The following PRKAR1A variants were observed in gnomAD, a reference collection of about 807,000 sequenced individuals.
PRKAR1A encodes the protein cAMP-dependent protein kinase type I-alpha regulatory subunit.
PRKAR1A carries 3 observed loss-of-function variants against 52.0 expected under a neutral mutation model. The ratio of observed to expected loss-of-function variants is 0.06; its 90% CI spans 0.03 to 0.15. PRKAR1A has a LOEUF of 0.15. PRKAR1A is among the 10% of genes least tolerant of loss of function. The probability of loss-of-function intolerance (pLI) is 1.00; values close to 1 mark genes in which losing one functional copy is unlikely to be tolerated. For missense variants in PRKAR1A, 240 were observed against 477.4 expected (o/e 0.50, Z 4.63); for synonymous variants, 188 against 168.4 (o/e 1.12, Z -0.90).
At chr17:68,537,187 G>A (rs1364437023), downstream of PRKAR1A, 1 of 586,824 alleles carries the variant, frequency 1.7e-6, no homozygotes, top group Admixed American at 2.2e-5. The surrounding 1 kb of genome is among the most constrained non-coding windows in gnomAD (Gnocchi z 4.2). Flanking sequence ...AGGCTGCCAA[G>A]CCTGACCTAT....
the PRKAR1A span, chr17:68,430,197 T>G: frequency 1.3e-6 from 2 of 1,579,062 alleles, no homozygotes; most frequent in African/African-American, 1.4e-5. Flanking sequence ...GGGACTGGGC[T>G]GCAGGCCCCA....
the PRKAR1A span, among the ~76,000 whole-genome samples, chr17:68,478,206 C>A: frequency 1.3e-5 from 2 of 152,092 alleles, no homozygotes; most frequent in Admixed American, 1.3e-4. Flanking sequence ...GTATTCCCAG[C>A]ACTTTGGGGG....
chr17:68,426,245 G>GGT, the PRKAR1A span: 3 of 948,270 alleles, frequency 3.2e-6, no homozygotes, highest in African/African-American at 1.6e-5. Flanking sequence ...TGGCGGGTGG[G>GGT]GAGCGGGGGC....
the PRKAR1A span, among the ~76,000 whole-genome samples, chr17:68,448,851 C>A: frequency 2.0e-5 from 3 of 152,194 alleles, no homozygotes; most frequent in Non-Finnish European, 2.9e-5. Flanking sequence ...TAAAAGCCTT[C>A]AATCAGAAAA....
chr17:68,528,685 C>A, intron 8 of PRKAR1A, 185 bp from the exon 9 acceptor site: 1 of 730,878 alleles, frequency 1.4e-6, no homozygotes. Context: ...TAAGGGCTAT[C>A]TGCAGGCAGT....
the PRKAR1A span, chr17:68,430,158 C>T: frequency 6.8e-6 from 11 of 1,611,852 alleles, no homozygotes; most frequent in South Asian, 6.6e-5. Context: ...CTCTTCTGGT[C>T]GACTAGGGAG....
At chr17:68,470,853 A>T in the PRKAR1A span, among the ~76,000 whole-genome samples, 1 of 152,186 alleles carries the variant, frequency 6.6e-6, no homozygotes, top group Non-Finnish European at 1.5e-5. Flanking sequence ...AAACCAAAAT[A>T]ATGTATGAAA....
At chr17:68,444,448 A>G in the PRKAR1A span, 3 of 1,551,246 alleles carry the variant, frequency 1.9e-6, no homozygotes, top group Middle Eastern at 1.7e-4. Flanking sequence ...AAGAAGCACC[A>G]GGACATGAAA....
the PRKAR1A span, among the ~76,000 whole-genome samples, chr17:68,470,703 A>G: frequency 6.6e-6 from 1 of 152,216 alleles, no homozygotes; most frequent in Admixed American, 6.5e-5. Flanking sequence ...ATACAAACAA[A>G]AAAACAATAA....
chr17:68,474,536 A>G, the PRKAR1A span, among the ~76,000 whole-genome samples: 1 of 152,178 alleles, frequency 6.6e-6, no homozygotes, highest in African/African-American at 2.4e-5. Flanking sequence ...TGATCCCGTG[A>G]CGAGTGGTCA....
the PRKAR1A span, among the ~76,000 whole-genome samples, chr17:68,437,729 A>G: frequency 1.3e-5 from 2 of 152,146 alleles, no homozygotes; most frequent in Non-Finnish European, 2.9e-5. Context: ...AGATGCTTCA[A>G]TAATATTCCG....
the PRKAR1A span, among the ~76,000 whole-genome samples, chr17:68,425,291 C>G: frequency 6.6e-6 from 1 of 152,196 alleles, no homozygotes; most frequent in Non-Finnish European, 1.5e-5. Context: ...GCAGCCTCGA[C>G]CTCCCAGGCT....
At chr17:68,489,979 G>A in the PRKAR1A span, among the ~76,000 whole-genome samples, 36 of 152,188 alleles carry the variant, frequency 2.4e-4, no homozygotes, top group Non-Finnish European at 5.1e-4. Flanking sequence ...TTAGAGAGAG[G>A]GAATGCCATT....
the PRKAR1A span, among the ~76,000 whole-genome samples, chr17:68,417,804 G>A: frequency 7.8e-6 from 1 of 128,424 alleles, no homozygotes; most frequent in Non-Finnish European, 1.6e-5. Context: ...CTGGAGTGCA[G>A]TGGCACGATC....
the PRKAR1A span, among the ~76,000 whole-genome samples, chr17:68,436,982 A>C: frequency 7.6e-6 from 1 of 131,120 alleles, no homozygotes; most frequent in African/African-American, 3.2e-5. Context: ...CTACAGAGTG[A>C]GACCCCGTCT....
intron 11 of PRKAR1A, chr17:68,542,761 A>T: frequency 6.2e-7 from 1 of 1,614,132 alleles, no homozygotes; most frequent in Non-Finnish European, 8.5e-7. Flanking sequence ...CCTTGGTGAC[A>T]TTTACTATCC....
intron 2 of PRKAR1A, among the ~76,000 whole-genome samples, chr17:68,519,118 C>A (rs2085523644): frequency 6.6e-6 from 1 of 152,158 alleles, no homozygotes; most frequent in South Asian, 2.1e-4. Context: ...TCTTCTGAGC[C>A]CTCCAGACTG....
upstream of PRKAR1A, among the ~76,000 whole-genome samples, chr17:68,507,634 G>A (rs149050576): frequency 7.0e-4 from 106 of 151,952 alleles, no homozygotes; most frequent in African/African-American, 2.2e-3. Context: ...CATGTATCCC[G>A]AACTTAAATT....
At chr17:68,437,948 T>TAAAAAA in the PRKAR1A span, among the ~76,000 whole-genome samples, 303 of 78,760 alleles carry the variant, frequency 3.8e-3, 7 homozygotes, top group African/African-American at 0.014. Context: ...ACATCTCTCT[T>TAAAAAA]AAAAAAAAAA....
Sources: allele counts gnomAD v4.1 joint callset (sites outside exome capture counted in the v4.1 genomes callset), GRCh38; gene constraint gnomAD v4.1.1; non-coding constraint Gnocchi (gnomAD v3.1); transcripts MANE v1.5; gene names NCBI Gene and HGNC (gene_info 2026-07-23, HGNC 2026-07-21).